The following NDUFV2 variants were observed in gnomAD, a reference collection of about 807,000 sequenced individuals.
NDUFV2 encodes NADH:ubiquinone oxidoreductase core subunit V2.
In NDUFV2, 18 loss-of-function variants were observed where a neutral mutation model predicts 31.6. The observed-to-expected ratio is 0.57, with a 90% CI of 0.39 to 0.84. The LOEUF is 0.84. Among genes scored for constraint, NDUFV2 ranks in the 40% least tolerant of loss-of-function variants. The pLI, the probability that NDUFV2 is intolerant of heterozygous loss-of-function variation, is 0.00. For synonymous variants in NDUFV2, 83 were observed against 99.8 expected (o/e 0.83, Z 1.01); for missense variants, 314 against 303.6 (o/e 1.03, Z -0.26).
intron 1 of NDUFV2, among the ~76,000 whole-genome samples, chr18:9,115,400 G>T (rs1322752490): frequency 2.0e-5 from 3 of 151,944 alleles, no homozygotes; most frequent in African/African-American, 7.3e-5. Context: ...TAACGTTCTA[G>T]TGTCAGAATT....
At chr18:9,132,017 T>A (rs1026867741) in intron 7 of NDUFV2, among the ~76,000 whole-genome samples, 1 of 152,164 alleles carries the variant, frequency 6.6e-6, no homozygotes, top group Non-Finnish European at 1.5e-5. Context: ...GCCTTTGTAG[T>A]ATTTTAAGGT....
chr18:9,119,335 A>G lies in NDUFV2; in HGVS notation c.130A>G (p.Thr44Ala). Reference sequence around the variant, plus strand: ...TGTTTTTGTTGTGTAGCACAGAGATACTCCTGAGAATAACCCTGATACTCC... The same window carrying G: ...TGTTTTTGTTGTGTAGCACAGAGATGCTCCTGAGAATAACCCTGATACTCC... ...AGGALFVHRD[T>A]PENNPDTPFD... Residue 44 changes from threonine to alanine, a missense_variant, in exon 3 of 8, where the codon ACT becomes GCT. Thr to Ala is a moderately conservative substitution (Grantham distance 58, BLOSUM62 0). Transcript: ENST00000318388. 6.2e-7 allele frequency: 1 copy of G among 1,612,654 alleles called. No homozygotes were observed. The highest frequency in any genetic ancestry group is 8.5e-7 in the Non-Finnish European group (1 of 1,178,790).
At chr18:9,114,058 G>A (rs1006782641) in intron 1 of NDUFV2, among the ~76,000 whole-genome samples, 1 of 152,162 alleles carries the variant, frequency 6.6e-6, no homozygotes, top group Non-Finnish European at 1.5e-5. Context: ...TTTGCCCCAG[G>A]AGAAGGTATT....
At chr18:9,105,011 G>A (rs765655288) in intron 1 of NDUFV2, 193 of 1,512,726 alleles carry the variant, frequency 1.3e-4, no homozygotes, top group Non-Finnish European at 1.6e-4. Flanking sequence ...CTGCTCTTTT[G>A]TAATGTATTC....
intron 5 of NDUFV2, among the ~76,000 whole-genome samples, 158 bp from the exon 6 acceptor site, chr18:9,124,716 G>A (rs948249574): frequency 2.6e-5 from 4 of 151,902 alleles, no homozygotes; most frequent in Non-Finnish European, 5.9e-5. Context: ...CCAAAGTGCT[G>A]GGATTACAGG....
intron 1 of NDUFV2, among the ~76,000 whole-genome samples, chr18:9,113,924 G>A (rs928074226): frequency 2.6e-5 from 4 of 152,186 alleles, no homozygotes; most frequent in African/African-American, 9.7e-5. Context: ...TGTCTGAGGG[G>A]TTTTGTCTGT....
At chr18:9,123,822 T>C (rs1245288071) in intron 5 of NDUFV2, among the ~76,000 whole-genome samples, 1 of 152,224 alleles carries the variant, frequency 6.6e-6, no homozygotes, top group Admixed American at 6.5e-5. Context: ...ACAGTTACTT[T>C]GATGTACACA....
At chr18:9,111,266 G>T (rs1349540170) in intron 1 of NDUFV2, among the ~76,000 whole-genome samples, 1 of 151,978 alleles carries the variant, frequency 6.6e-6, no homozygotes, top group Non-Finnish European at 1.5e-5. Flanking sequence ...TAAATTTCTG[G>T]GAATAATACC....
intron 1 of NDUFV2, among the ~76,000 whole-genome samples, chr18:9,108,307 T>C (rs1360560854): frequency 6.6e-6 from 1 of 152,236 alleles, no homozygotes; most frequent in Non-Finnish European, 1.5e-5. Context: ...TGGAACTTTA[T>C]TTGGAGGATG....
intron 5 of NDUFV2, among the ~76,000 whole-genome samples, chr18:9,124,447 C>CTT (rs534490648): frequency 3.4e-4 from 38 of 113,362 alleles, no homozygotes; most frequent in South Asian, 6.0e-4. Context: ...TTTTAAAAAA[C>CTT]TTTTTTTTTT....
intron 1 of NDUFV2, among the ~76,000 whole-genome samples, chr18:9,113,873 C>T (rs2077883820): frequency 6.6e-6 from 1 of 152,296 alleles, no homozygotes; most frequent in Admixed American, 6.5e-5. Flanking sequence ...AGACAAGAGT[C>T]TTGCCGAAGC....
At chr18:9,123,958 C>T (rs2077963267) in intron 5 of NDUFV2, among the ~76,000 whole-genome samples, 1 of 152,200 alleles carries the variant, frequency 6.6e-6, no homozygotes. Context: ...CCATTTTCTT[C>T]ACATCCCTTG....
chr18:9,122,120 T>C (rs2077941799), intron 4 of NDUFV2, among the ~76,000 whole-genome samples: 1 of 152,204 alleles, frequency 6.6e-6, no homozygotes, highest in Non-Finnish European at 1.5e-5. Flanking sequence ...TTGCTTCTTT[T>C]ATTGGGGTTT....
chr18:9,122,738 T>A lies in NDUFV2; in HGVS notation c.469+57T>A, dbSNP rs185554193. On this transcript the variant is annotated intron_variant, in intron 5 of 7. Transcript: ENST00000318388. ...AAAAAGTAGAATTGTCTCTCTAGATTTGGTACATTTCTATCTAAAATTTCC... is the reference window on the plus strand; with the variant it reads ...AAAAAGTAGAATTGTCTCTCTAGATATGGTACATTTCTATCTAAAATTTCC... The A allele has an allele frequency of 3.8e-6, 6 of 1,574,010 alleles. No individual in the cohort carries two copies. The East Asian group carries it at 1.1e-4, about 30-fold the overall frequency.
chr18:9,134,237 A>G lies in NDUFV2; in HGVS notation c.708A>G (p.Glu236=). The G allele has an allele frequency of 6.2e-7, 1 of 1,613,238 alleles. No homozygotes were observed. The highest frequency in any genetic ancestry group is 8.5e-7 in the Non-Finnish European group (1 of 1,179,922). Residue 236 remains glutamate, a synonymous_variant, in exon 8 of 8, where the codon GAA becomes GAG. Coordinates refer to ENST00000318388, the MANE Select transcript of NDUFV2 (RefSeq NM_021074.5). Reference sequence around the variant, plus strand: ...CTGGAGGTCTTACCTCTTTGACTGAACCACCCAAGGGACCTGGATTTGGTG... The same window carrying G: ...CTGGAGGTCTTACCTCTTTGACTGAGCCACCCAAGGGACCTGGATTTGGTG... The part of the protein sequence containing the change: ...EPAGGLTSLT[E]PPKGPGFGVQ...
chr18:9,131,666 GTACTT>G (rs2078041242), intron 7 of NDUFV2, among the ~76,000 whole-genome samples: 1 of 152,118 alleles, frequency 6.6e-6, no homozygotes, highest in African/African-American at 2.4e-5. Flanking sequence ...TCTATGTAAA[GTACTT>G]TAAGCCATGA....
At chr18:9,124,674 T>C (rs896322097) in intron 5 of NDUFV2, among the ~76,000 whole-genome samples, 200 bp from the exon 6 acceptor site, 24 of 151,018 alleles carry the variant, frequency 1.6e-4, no homozygotes, top group Non-Finnish European at 2.7e-4. Flanking sequence ...GGTCTAGATC[T>C]CCTGACCTCG....
intron 1 of NDUFV2, chr18:9,104,101 C>T (rs1212868230): frequency 6.3e-7 from 1 of 1,594,410 alleles, no homozygotes; most frequent in African/African-American, 1.3e-5. Flanking sequence ...TAAGATTTTT[C>T]CTGAAGGTAA....
chr18:9,133,653 A>C (rs1201199814), intron 7 of NDUFV2: 1 of 153,428 alleles, frequency 6.5e-6, no homozygotes, highest in Non-Finnish European at 1.5e-5. Flanking sequence ...TTCTATTTCC[A>C]AATACAATGT....
Sources: gnomAD v4.1 joint callset for allele counts (sites outside exome capture counted in the v4.1 genomes callset) on GRCh38, gnomAD v4.1.1 for gene constraint, MANE v1.5 for transcripts, NCBI Gene and HGNC (gene_info 2026-07-23, HGNC 2026-07-21) for gene names.